Variants in JAK2 observed in about 807,000 individuals in gnomAD.
JAK2 encodes the protein Janus kinase 2.
In JAK2, 86 loss-of-function variants were observed where a neutral mutation model predicts 139.3. That is an observed-to-expected ratio of 0.62 (90% CI 0.52 to 0.74). JAK2 has a LOEUF of 0.74. Ranked by LOEUF, JAK2 falls within the 30% of genes least tolerant of loss-of-function variation. The probability of loss-of-function intolerance (pLI) is 0.00; values close to 1 mark genes in which losing one functional copy is unlikely to be tolerated. For synonymous variants in JAK2, 490 were observed against 437.7 expected (o/e 1.12, Z -1.49); for missense variants, 1,421 against 1,360.3 (o/e 1.04, Z -0.70).
At position 5,054,891 on chromosome 9, in the gene JAK2, C is replaced by T; in HGVS notation, c.936+7C>T. The T allele has an allele frequency of 6.5e-7, 1 of 1,545,478 alleles. No homozygotes were observed. On this transcript the variant is annotated splice_region_variant and intron_variant, in intron 7 of 24. Coordinates refer to ENST00000381652, the MANE Select transcript of JAK2 (RefSeq NM_004972.4). The surrounding 1 kb of genome is among the most constrained non-coding windows in gnomAD (Gnocchi z 4.9). ...TGAGACACTGACAGAACAGGTAATCCTTAATGATATGTTCTTGTTCTTTGT... is the reference window on the plus strand; with the variant it reads ...TGAGACACTGACAGAACAGGTAATCTTTAATGATATGTTCTTGTTCTTTGT...
intron 12 of JAK2, among the ~76,000 whole-genome samples, chr9:5,070,276 T>A (rs1220261513): frequency 2.0e-5 from 3 of 152,154 alleles, no homozygotes; most frequent in Non-Finnish European, 4.4e-5. Context: ...TTTTGGAAAT[T>A]TAAAAATGAT....
At position 5,127,847 on chromosome 9, in the gene JAK2, C is replaced by CAT. The variant is rs1401279512; in HGVS notation, c.*1058_*1059dup. 1 of 232,196 alleles carries CAT rather than the reference C, an allele frequency of 4.3e-6. No homozygotes were observed. The highest frequency in any genetic ancestry group is 6.0e-5 in the East Asian group (1 of 16,588). The allele number at this position is 232,196 out of a possible 1,614,324, so 14.4% of individuals were successfully genotyped here. On this transcript the variant is annotated 3_prime_UTR_variant, in exon 25 of 25. Coordinates refer to ENST00000381652, the MANE Select transcript of JAK2 (RefSeq NM_004972.4). ...GGGTTTCAGAATTTTGCATTGCAGT[C>CAT]ATAGAAGAGATTTATTTCCTTTTTA...
chr9:5,114,488 T>C (rs2130817232), intron 22 of JAK2: 5 of 462,920 alleles, frequency 1.1e-5, no homozygotes, highest in South Asian at 5.6e-5. Flanking sequence ...GCCCATGTGC[T>C]CCCCCACAGG....
Position 5,078,316 on chromosome 9 carries a change from C to A in JAK2, c.2003C>A (p.Thr668Asn). The part of the protein sequence containing the change: ...AWAMHFLEEN[T>N]LIHGNVCAKN... ...GTTTAACTCTAATAGGAAGAAAACA[C>A]CCTTATTCATGGGAATGTATGTGCC... The change falls in exon 16 of 25, where the codon ACC becomes AAC. Residue 668 changes from threonine (T) to asparagine (N), a missense_variant. Coordinates refer to ENST00000381652, the MANE Select transcript of JAK2 (RefSeq NM_004972.4). 6.2e-7 allele frequency: 1 copy of A among 1,611,506 alleles called. No individual in the cohort carries two copies. The highest frequency in any genetic ancestry group is 1.1e-5 in the South Asian group (1 of 90,858).
chr9:5,122,890 G>C (rs561688174), intron 22 of JAK2, 114 bp from the exon 23 acceptor site: 1 of 647,410 alleles, frequency 1.5e-6, no homozygotes, highest in Non-Finnish European at 2.6e-6. Context: ...GGCCTGCTGT[G>C]ATAACTCTTT....
chr9:5,125,359 TG>T (rs1823909210), intron 23 of JAK2, among the ~76,000 whole-genome samples: 1 of 151,350 alleles, frequency 6.6e-6, no homozygotes, highest in South Asian at 2.1e-4. Flanking sequence ...ATTAGAAAAA[TG>T]TACTGCAAAT....
At chr9:5,079,876 G>A (rs916593548) in intron 16 of JAK2, among the ~76,000 whole-genome samples, 2 of 152,056 alleles carry the variant, frequency 1.3e-5, no homozygotes, top group African/African-American at 4.8e-5. Context: ...TGAGAAAATG[G>A]TATGCCAGTT....
At chr9:5,005,776 A>T (rs539762562) in intron 2 of JAK2, among the ~76,000 whole-genome samples, 2 of 152,204 alleles carry the variant, frequency 1.3e-5, no homozygotes, top group African/African-American at 2.4e-5. Flanking sequence ...CAGCAAAGTC[A>T]CTGGGCATTA....
Position 5,127,108 on chromosome 9 carries a change from A to G in JAK2, c.*317A>G, listed in dbSNP as rs527841946. ...CAACTCAGCTTTTTGAGACCTGAAA[A>G]AATTATTATGTAAATTTTGCAATGT... On this transcript the variant is annotated 3_prime_UTR_variant, in exon 25 of 25. Coordinates refer to ENST00000381652, the MANE Select transcript of JAK2 (RefSeq NM_004972.4). 154 of 268,424 alleles carry G rather than the reference A, an allele frequency of 5.7e-4. No homozygotes were observed. Among genetic ancestry groups the G allele is most frequent in the African/African-American group, 3.2e-3 (145 of 45,728 alleles). 16.6% of individuals were successfully genotyped at this position (268,424 alleles called of 1,614,324 possible).
At chr9:5,120,991 A>G (rs1823576139) in intron 22 of JAK2, among the ~76,000 whole-genome samples, 1 of 152,192 alleles carries the variant, frequency 6.6e-6, no homozygotes, top group South Asian at 2.1e-4. Context: ...ATGGTTATAA[A>G]TTTGGGAGAC....
At chr9:5,016,834 C>G (rs1822097628) in intron 2 of JAK2, among the ~76,000 whole-genome samples, 1 of 152,126 alleles carries the variant, frequency 6.6e-6, no homozygotes, top group African/African-American at 2.4e-5. Flanking sequence ...TGGAAGTGAG[C>G]TTGAGAGGCC....
At chr9:5,086,003 C>A (rs1259189860) in intron 19 of JAK2, 11 of 839,390 alleles carry the variant, frequency 1.3e-5, no homozygotes, top group South Asian at 4.0e-5. Context: ...TGTGATGAAA[C>A]TGTGATATAC....
At chr9:5,076,182 C>G (rs2130573792) in intron 14 of JAK2, among the ~76,000 whole-genome samples, 1 of 152,228 alleles carries the variant, frequency 6.6e-6, no homozygotes, top group East Asian at 1.9e-4. Flanking sequence ...ATGCTGTGAA[C>G]ATTGTGAAAT....
chr9:5,037,531 A>G (rs1385794210), intron 4 of JAK2, among the ~76,000 whole-genome samples: 1 of 152,242 alleles, frequency 6.6e-6, no homozygotes, highest in Non-Finnish European at 1.5e-5. Flanking sequence ...GCAGCCATGA[A>G]AAATGATGAG....
intron 22 of JAK2, among the ~76,000 whole-genome samples, chr9:5,119,636 T>C (rs975507004): frequency 4.6e-5 from 7 of 152,180 alleles, no homozygotes; most frequent in African/African-American, 1.7e-4. Context: ...TTATAACTTA[T>C]GAAGTAAGGT....
chr9:5,069,933 A>G lies in JAK2; in HGVS notation c.1522A>G (p.Asn508Asp). Residue 508 changes from asparagine to aspartate, a missense_variant, in exon 12 of 25, where the codon AAC becomes GAC. Coordinates refer to ENST00000381652, the MANE Select transcript of JAK2 (RefSeq NM_004972.4). Reference sequence around the variant, plus strand: ...GTATTTTATTTTTTCAGATAAATCAAACCTTCTAGTCTTCAGAACGAATGG... The same window carrying G: ...GTATTTTATTTTTTCAGATAAATCAGACCTTCTAGTCTTCAGAACGAATGG... ...CCPPKPKDKS[N>D]LLVFRTNGVS... 1.3e-6 allele frequency: 2 copies of G among 1,594,740 alleles called. No individual in the cohort carries two copies. The highest frequency in any genetic ancestry group is 1.1e-5 in the South Asian group (1 of 88,408).
rs117656417 is a variant in JAK2 at position 5,109,532 on chromosome 9, G to C, written c.3060-13472G>C. The C allele has an allele frequency of 3.3e-5, 5 of 152,160 alleles. No homozygotes were observed. In the East Asian group the frequency reaches 7.7e-4, roughly 23 times the overall value. 9.4% of individuals were successfully genotyped at this position (152,160 alleles called of 1,614,324 possible). On this transcript the variant is annotated intron_variant, in intron 22 of 24. Coordinates refer to ENST00000381652, the MANE Select transcript of JAK2 (RefSeq NM_004972.4). ...TTCCACTACTATAATAGCCCTAATC[G>C]CCTTAATCACACCAATTATTACGTT...
chr9:5,076,850 T>C (rs1382344969), intron 14 of JAK2, among the ~76,000 whole-genome samples: 1 of 152,146 alleles, frequency 6.6e-6, no homozygotes, highest in Non-Finnish European at 1.5e-5. Flanking sequence ...TATATGGAGG[T>C]ATCTGAGAGG....
chr9:5,025,364 T>C (rs1279204992), intron 3 of JAK2, among the ~76,000 whole-genome samples: 4 of 152,222 alleles, frequency 2.6e-5, no homozygotes, highest in East Asian at 1.9e-4. Context: ...ATACTTAAGA[T>C]GGAATTGTCT....
Sources: allele counts gnomAD v4.1 joint callset (sites outside exome capture counted in the v4.1 genomes callset), GRCh38; gene constraint gnomAD v4.1.1; non-coding constraint Gnocchi (gnomAD v3.1); transcripts MANE v1.5; gene names NCBI Gene and HGNC (gene_info 2026-07-23, HGNC 2026-07-21).